SPATA13: variants seen among roughly 807,000 people sequenced by gnomAD.
SPATA13 encodes spermatogenesis-associated protein 13.
SPATA13 carries 50 observed loss-of-function variants against 104.0 expected under a neutral mutation model. That is an observed-to-expected ratio of 0.48 (90% CI 0.38 to 0.61). The LOEUF is 0.61. Ranked by LOEUF, SPATA13 falls within the 20% of genes least tolerant of loss-of-function variation. The pLI is 0.00. For synonymous variants in SPATA13, 606 were observed against 667.5 expected, an observed-to-expected ratio of 0.91 and a Z score of 1.42; for missense variants, 1,524 against 1,690.6, an observed-to-expected ratio of 0.90 and a Z score of 1.73.
chr13:24,281,830 G>A (rs932917181), intron 4 of SPATA13, among the ~76,000 whole-genome samples: 3 of 152,258 alleles, frequency 2.0e-5, no homozygotes, highest in Middle Eastern at 3.4e-3. Context: ...TGGGAGAGGC[G>A]CCGCTGGCAG....
At chr13:24,079,941 C>G (rs756925194) in intron 3 of SPATA13, among the ~76,000 whole-genome samples, 15 of 152,186 alleles carry the variant, frequency 9.9e-5, no homozygotes, top group Non-Finnish European at 1.9e-4. Flanking sequence ...AAGATGCTGA[C>G]TTTCAAGTTA....
chr13:23,980,579 A>G (rs1874837783), intron 1 of SPATA13, among the ~76,000 whole-genome samples: 1 of 152,144 alleles, frequency 6.6e-6, no homozygotes, highest in Non-Finnish European at 1.5e-5. Flanking sequence ...TAGTACTCCT[A>G]CTTAACGAAG....
At chr13:24,204,455 G>A (rs949404990) in intron 1 of SPATA13, among the ~76,000 whole-genome samples, 2 of 151,954 alleles carry the variant, frequency 1.3e-5, no homozygotes, top group Non-Finnish European at 2.9e-5. Flanking sequence ...TAACATTGAT[G>A]ACGACTTTAA....
At chr13:24,038,495 C>T (rs1223554158) in intron 3 of SPATA13, among the ~76,000 whole-genome samples, 1 of 152,210 alleles carries the variant, frequency 6.6e-6, no homozygotes, top group Non-Finnish European at 1.5e-5. Flanking sequence ...CAAATCACTG[C>T]AGCACTTCAG....
chr13:24,092,463 C>G lies in SPATA13; in HGVS notation c.-112+74762C>G, dbSNP rs75550958. Among the ~76,000 whole-genome samples the G allele has an allele frequency of 2.0e-3, 303 of 152,240 alleles. 5 individuals carry two copies. In the East Asian group the frequency reaches 0.05, roughly 25 times the overall value. On this transcript the variant is annotated intron_variant, in intron 3 of 14. Coordinates refer to the SPATA13 transcript ENST00000424834. ...GAGATAATGGTTTATATTTTAGAAG[C>G]AGAAGAGTTAATAGGAGCCAGGAGT...
At chr13:24,022,904 T>G (rs1324527179) in intron 3 of SPATA13, among the ~76,000 whole-genome samples, 1 of 152,092 alleles carries the variant, frequency 6.6e-6, no homozygotes, top group Admixed American at 6.6e-5. Flanking sequence ...CTAAAAAAAC[T>G]ATATAGAGGT....
At chr13:24,293,955 C>T (rs149653923) in intron 9 of SPATA13, among the ~76,000 whole-genome samples, 5 of 152,276 alleles carry the variant, frequency 3.3e-5, no homozygotes, top group African/African-American at 4.8e-5. Context: ...TAAGTTGCCA[C>T]GGGAAAGCGG....
intron 3 of SPATA13, among the ~76,000 whole-genome samples, chr13:24,036,067 C>T (rs1877672015): frequency 6.6e-6 from 1 of 151,256 alleles, no homozygotes; most frequent in Non-Finnish European, 1.5e-5. Flanking sequence ...TCCTATGCAG[C>T]TTTTGTTTCT....
At chr13:24,179,068 T>C (rs1216566608) in intron 1 of SPATA13, among the ~76,000 whole-genome samples, 1 of 152,230 alleles carries the variant, frequency 6.6e-6, no homozygotes, top group African/African-American at 2.4e-5. Context: ...CACAGCTTAA[T>C]GTTTCAAGGT....
At chr13:24,103,994 T>G (rs1419834201) in intron 3 of SPATA13, among the ~76,000 whole-genome samples, 2 of 152,218 alleles carry the variant, frequency 1.3e-5, no homozygotes, top group African/African-American at 2.4e-5. Flanking sequence ...TCCAGCACTT[T>G]CAATGCTTAC....
intron 1 of SPATA13, among the ~76,000 whole-genome samples, chr13:24,215,457 C>T (rs918746053): frequency 6.6e-6 from 1 of 152,132 alleles, no homozygotes; most frequent in African/African-American, 2.4e-5. Flanking sequence ...ACATCCCCTA[C>T]CTTAAGACCT....
intron 2 of SPATA13, among the ~76,000 whole-genome samples, chr13:24,005,608 A>AG (rs1876186095): frequency 6.8e-6 from 1 of 146,878 alleles, no homozygotes; most frequent in South Asian, 2.3e-4. Context: ...GTGTGGGGAC[A>AG]GGGGGTGGGA....
At chr13:24,212,547 C>A (rs1337106862) in intron 1 of SPATA13, among the ~76,000 whole-genome samples, 3 of 152,078 alleles carry the variant, frequency 2.0e-5, no homozygotes, top group Admixed American at 2.0e-4. Context: ...ACTATTGGGA[C>A]TTAGAGAGTT....
rs1245451071 is a variant in SPATA13, at chr13:24,190,284, T to C, written c.-112+29352T>C. Among the ~76,000 whole-genome samples, 5 of 10,996 alleles carry C rather than the reference T, an allele frequency of 4.5e-4. 1 individual carries two copies. Among genetic ancestry groups the C allele is most frequent in the South Asian group, 9.8e-3 (2 of 204 alleles). The allele number at this position is 10,996 out of a possible 152,430, so 7.2% of individuals were successfully genotyped here. On this transcript the variant is annotated intron_variant, in intron 1 of 12. Transcript: ENST00000382108. ...ACATAATATATATTATTATATATAA[T>C]ATATAATATTATATATTATTATATA... is the stretch of plus-strand genomic sequence containing the variant.
rs1221831721 is a variant in SPATA13 at position 24,202,785 on chromosome 13, TG to T, written c.-111-20033del. On this transcript the variant is annotated intron_variant, in intron 1 of 12. Transcript: ENST00000382108. ...AGAAATTTTCATTAAGCAAAGGTAG[TG>T]AAACACTCCCAGGAGCCTGGAATTA... 1.8e-4 allele frequency among the ~76,000 whole-genome samples: 28 copies of T among 152,148 alleles called. No individual in the cohort carries two copies. The East Asian group carries it at 4.6e-3, about 25-fold the overall frequency.
At chr13:24,180,881 T>C (rs576528038) in intron 1 of SPATA13, among the ~76,000 whole-genome samples, 3 of 152,290 alleles carry the variant, frequency 2.0e-5, no homozygotes, top group African/African-American at 4.8e-5. Flanking sequence ...GGCAATTTCA[T>C]CTCTGTGCGA....
At chr13:24,046,390 T>C (rs543115007) in intron 3 of SPATA13, among the ~76,000 whole-genome samples, 1 of 150,914 alleles carries the variant, frequency 6.6e-6, no homozygotes, top group South Asian at 2.1e-4. Context: ...ACTCCTGGGG[T>C]TCAAATGATC....
chr13:24,114,355 A>ACGTGTGTGCCTGCATGTGTGCACATGCG (rs1880755841), intron 3 of SPATA13, among the ~76,000 whole-genome samples: 2 of 72,986 alleles, frequency 2.7e-5, no homozygotes, highest in African/African-American at 7.0e-5. Context: ...TTCAGTGTGC[A>ACGTGTGTGCCTGCATGTGTGCACATGCG]CGTGTGTGCC....
intron 2 of SPATA13, among the ~76,000 whole-genome samples, chr13:23,998,768 T>A (rs527441070): frequency 6.6e-6 from 1 of 152,332 alleles, no homozygotes; most frequent in Non-Finnish European, 1.5e-5. Flanking sequence ...GAGATATGGA[T>A]TCAGGTTCAT....
Sources: gnomAD v4.1 joint callset for allele counts (sites outside exome capture counted in the v4.1 genomes callset) on GRCh38, gnomAD v4.1.1 for gene constraint, MANE v1.5 for transcripts, NCBI Gene and HGNC (gene_info 2026-07-23, HGNC 2026-07-21) for gene names.